The following HROB variants were observed in gnomAD, a reference collection of about 807,000 sequenced individuals.
The protein encoded by HROB is homologous recombination OB-fold protein.
A neutral mutation model predicts 61.0 loss-of-function variants in HROB; 44 were observed. The observed-to-expected ratio is 0.72, with a 90% CI of 0.57 to 0.93. The LOEUF is 0.93. HROB is among the 40% of genes least tolerant of loss of function. The pLI is 0.00. For synonymous variants in HROB, 301 were observed against 310.4 expected (o/e 0.97, Z 0.32); for missense variants, 716 against 796.2 (o/e 0.90, Z 1.21).
At chr17:44,157,764 G>C in intron 8 of HROB, 69 bp from the exon 9 acceptor site, 2 of 1,203,214 alleles carry the variant, frequency 1.7e-6, no homozygotes. Flanking sequence ...AGGTTGTCTG[G>C]GTAGAGGTGG....
chr17:44,142,111 A>G lies in HROB; in HGVS notation c.-32A>G. On this transcript the variant is annotated 5_prime_UTR_variant, in exon 1 of 10. Coordinates refer to ENST00000585683, the MANE Select transcript of HROB (RefSeq NM_001171251.3). Reference sequence around the variant, plus strand: ...CTCCCCGGACTCGGGGTGCCGGGCCAACCTCCCCGCCGAGGCCCACCCGCC... The same window carrying G: ...CTCCCCGGACTCGGGGTGCCGGGCCGACCTCCCCGCCGAGGCCCACCCGCC... 1.3e-6 allele frequency: 2 copies of G among 1,530,154 alleles called. No homozygotes were observed. Among genetic ancestry groups the G allele is most frequent in the Non-Finnish European group, 1.7e-6 (2 of 1,143,856 alleles). 94.8% of individuals were successfully genotyped at this position (1,530,154 alleles called of 1,614,324 possible). A position where few individuals can be genotyped will look rare whatever the true frequency, so the allele number is the denominator to read the frequency against.
At position 44,147,904 on chromosome 17, in the gene HROB, C is replaced by T. The variant is rs139451289; in HGVS notation, c.101C>T (p.Ser34Leu). 3.8e-5 allele frequency: 62 copies of T among 1,614,068 alleles called. 1 individual carries two copies. The Admixed American group carries it at 8.0e-4, about 21-fold the overall frequency. ...VEDAENRFTG[S>L]LPVNAGRLRP... ...GATGCAGAGAACCGGTTTACTGGCT[C>T]ACTGCCTGTGAATGCTGGGCGCCTG... The change falls in exon 3 of 10, where the codon TCA becomes TTA. Residue 34 changes from serine (S) to leucine (L), a missense_variant. By Grantham distance (145) the Ser-to-Leu change is moderately radical. Coordinates refer to ENST00000585683, the MANE Select transcript of HROB (RefSeq NM_001171251.3).
Position 44,148,348 on chromosome 17 carries a change from C to T in HROB, c.545C>T (p.Ala182Val). The T allele has an allele frequency of 6.2e-7, 1 of 1,614,102 alleles. No individual in the cohort carries two copies. The highest frequency in any genetic ancestry group is 1.1e-5 in the South Asian group (1 of 91,078). ...MELECGVSSEAIPILPAQQRE... is the reference protein window; with the variant it reads ...MELECGVSSEVIPILPAQQRE... ...CTGGAATGTGGAGTCAGCAGTGAGG[C>T]CATACCAATCCTGCCTGCCCAGCAG... is the stretch of plus-strand genomic sequence containing the variant. The change falls in exon 3 of 10, where the codon GCC becomes GTC. Residue 182 changes from alanine (A) to valine (V), a missense_variant. By Grantham distance (64) the Ala-to-Val change is moderately conservative (BLOSUM62 0). Coordinates refer to ENST00000585683, the MANE Select transcript of HROB (RefSeq NM_001171251.3).
intron 5 of HROB, 43 bp downstream of exon 5, chr17:44,152,820 T>C: frequency 6.3e-7 from 1 of 1,598,512 alleles, no homozygotes; most frequent in Non-Finnish European, 8.5e-7. Context: ...AGACCATTTT[T>C]CTCCCTCTCT....
chr17:44,145,594 A>G (rs971791862), intron 2 of HROB, among the ~76,000 whole-genome samples: 2 of 152,232 alleles, frequency 1.3e-5, no homozygotes, highest in East Asian at 1.9e-4. Context: ...AAGAGATAGC[A>G]TAGTTACTGG....
At chr17:44,154,384 G>C in intron 5 of HROB, 172 bp from the exon 6 acceptor site, 1 of 608,250 alleles carries the variant, frequency 1.6e-6, no homozygotes, top group Non-Finnish European at 2.9e-6. Context: ...GGACCTCCCA[G>C]CTCTAGGTCT....
chr17:44,144,286 C>A (rs899025755), intron 1 of HROB, among the ~76,000 whole-genome samples: 14 of 151,832 alleles, frequency 9.2e-5, no homozygotes, highest in African/African-American at 3.4e-4. Context: ...ATTACAGATG[C>A]CCACCACCAC....
At chr17:44,156,067 C>T (rs1245505319) in intron 8 of HROB, among the ~76,000 whole-genome samples, 15 of 152,114 alleles carry the variant, frequency 9.9e-5, no homozygotes, top group Admixed American at 9.8e-4. Context: ...TGTTGCCTCC[C>T]TTGCAACAGC....
In HROB at chr17:44,147,872, T is replaced by C; in HGVS notation, c.69T>C (p.Ala23=). 1 of 1,613,106 alleles carries C rather than the reference T, an allele frequency of 6.2e-7. No homozygotes were observed. The highest frequency in any genetic ancestry group is 8.5e-7 in the Non-Finnish European group (1 of 1,179,276). ...EEFEDEDFLS[A]VEDAENRFTG... ...CTTCCTTGTAGGATTTCTTGTCTGCTGTGGAGGATGCAGAGAACCGGTTTA... is the reference window on the plus strand; with the variant it reads ...CTTCCTTGTAGGATTTCTTGTCTGCCGTGGAGGATGCAGAGAACCGGTTTA... The change falls in exon 3 of 10, where the codon GCT becomes GCC. Residue 23 remains alanine (A), a synonymous_variant. Coordinates refer to ENST00000585683, the MANE Select transcript of HROB (RefSeq NM_001171251.3).
intron 5 of HROB, 138 bp from the exon 6 acceptor site, chr17:44,154,418 C>A: frequency 1.3e-6 from 1 of 743,196 alleles, no homozygotes; most frequent in East Asian, 2.6e-5. Flanking sequence ...GGGGTACCTC[C>A]TTGTCCTCCA....
chr17:44,142,466 CTTTTTTT>C (rs1156855939), intron 1 of HROB, among the ~76,000 whole-genome samples: 1 of 137,854 alleles, frequency 7.3e-6, no homozygotes, highest in Non-Finnish European at 1.6e-5. Context: ...ACACTTTCTA[CTTTTTTT>C]TTTTTTTTTT....
Sources: allele counts gnomAD v4.1 joint callset (sites outside exome capture counted in the v4.1 genomes callset), GRCh38; gene constraint gnomAD v4.1.1; transcripts MANE v1.5; gene names NCBI Gene and HGNC (gene_info 2026-07-23, HGNC 2026-07-21).